Variants in DNAH12 observed in about 807,000 individuals in gnomAD.
The protein encoded by DNAH12 is dynein axonemal heavy chain 12, also known as axonemal beta dynein heavy chain 12.
Under a neutral mutation model 371.5 loss-of-function variants are expected in DNAH12, and 285 were observed. That is an observed-to-expected ratio of 0.77 (90% CI 0.70 to 0.85). The LOEUF (loss-of-function observed/expected upper bound fraction) is 0.85, where lower values mean the gene tolerates loss of function less well. DNAH12 is among the 40% of genes least tolerant of loss of function. The probability of loss-of-function intolerance (pLI) is 0.00; values close to 1 mark genes in which losing one functional copy is unlikely to be tolerated. For missense variants in DNAH12, 3,611 were observed against 3,689.4 expected (o/e 0.98, Z 0.55); for synonymous variants, 1,200 against 1,213.0 (o/e 0.99, Z 0.22).
At chr3:57,356,179 C>G (rs2062792960) in intron 59 of DNAH12, among the ~76,000 whole-genome samples, 1 of 152,086 alleles carries the variant, frequency 6.6e-6, no homozygotes, top group African/African-American at 2.4e-5. Context: ...CAGTGGCTCA[C>G]TCCTGTAATC....
rs1261098477 is a variant in DNAH12, at chr3:57,302,530, TATATATATATA to T, written c.11190-602_11190-592del. Among the ~76,000 whole-genome samples the T allele has an allele frequency of 8.6e-3, 150 of 17,528 alleles. 7 individuals carry two copies. Among genetic ancestry groups the T allele is most frequent in the African/African-American group, 0.029 (147 of 5,150 alleles). 11.5% of individuals were successfully genotyped at this position (17,528 alleles called of 152,430 possible). ...GCTGAATTAACTAAGGCATCAGGTG[TATATATATATA>T]TATATATATATATATATATATATGT... On this transcript the variant is annotated intron_variant, in intron 69 of 73. Transcript: ENST00000495027.
chr3:57,325,288 C>T (rs2061914742), intron 62 of DNAH12, among the ~76,000 whole-genome samples: 1 of 152,244 alleles, frequency 6.6e-6, no homozygotes, highest in Admixed American at 6.5e-5. Context: ...TCCCTGACCT[C>T]TGACCCCTGA....
In DNAH12 at chr3:57,445,352, G is replaced by A. The variant is rs867558345; in HGVS notation, c.4247C>T (p.Ser1416Phe). Residue 1416 changes from serine to phenylalanine, a missense_variant, in exon 28 of 74, where the codon TCT becomes TTT. Around this residue, in one of 3 missense-constraint regions of DNAH12, gnomAD observed 2,266 missense variants for 2,236.9 expected, o/e 1.01. Coordinates refer to ENST00000495027, the MANE Select transcript of DNAH12 (RefSeq NM_001366028.2). Reference sequence around the variant, plus strand: ...AGGTCTTGCATTCAAAAATCCGTAAGAGTAGAGGGAGATTTCTGCTATAAG... The same window carrying A: ...AGGTCTTGCATTCAAAAATCCGTAAAAGTAGAGGGAGATTTCTGCTATAAG... ...YALIAEISLY[S>F]YGFLNARPLS... 6.4e-7 allele frequency: 1 copy of A among 1,551,510 alleles called. No homozygotes were observed. The highest frequency in any genetic ancestry group is 2.0e-5 in the Admixed American group (1 of 50,954).
At chr3:57,424,395 C>G (rs1464683213) in intron 35 of DNAH12, among the ~76,000 whole-genome samples, 2 of 143,624 alleles carry the variant, frequency 1.4e-5, no homozygotes, top group East Asian at 4.2e-4. Context: ...CACTTGAACC[C>G]AGGAGGCAGA....
At chr3:57,437,159 CT>C in intron 29 of DNAH12, 99 bp from the exon 30 acceptor site, 1 of 729,152 alleles carries the variant, frequency 1.4e-6, no homozygotes, top group Non-Finnish European at 2.2e-6. Context: ...TAAAAAAAAA[CT>C]ATCATCATTG....
upstream of DNAH12, among the ~76,000 whole-genome samples, chr3:57,545,410 C>G (rs1481322652): frequency 1.3e-5 from 2 of 151,664 alleles, no homozygotes; most frequent in African/African-American, 4.8e-5. Context: ...CCGCCCACCT[C>G]GGCCTCCCAA....
chr3:57,399,769 A>G (rs1488059001), intron 43 of DNAH12, among the ~76,000 whole-genome samples: 1 of 152,218 alleles, frequency 6.6e-6, no homozygotes, highest in Non-Finnish European at 1.5e-5. Context: ...GAAGATCGTG[A>G]GGATGAAGAC....
At chr3:57,428,889 T>C (rs1232075858) in intron 33 of DNAH12, 68 bp from the exon 34 acceptor site, 2 of 1,402,258 alleles carry the variant, frequency 1.4e-6, no homozygotes, top group East Asian at 5.0e-5. Flanking sequence ...TTATCAACTA[T>C]TTCTTAAGAT....
At chr3:57,450,011 G>T (rs6767731) in intron 25 of DNAH12, among the ~76,000 whole-genome samples, 16,668 of 152,242 alleles carry the variant, frequency 0.11, 2,669 homozygotes, top group African/African-American at 0.35. Flanking sequence ...ACTTTGGGAG[G>T]CATAGGCAGG....
chr3:57,341,334 A>G (rs1553656041), intron 60 of DNAH12, among the ~76,000 whole-genome samples: 1 of 151,660 alleles, frequency 6.6e-6, no homozygotes, highest in East Asian at 1.9e-4. Context: ...GGATGACATG[A>G]TTTTATATAT....
intron 60 of DNAH12, among the ~76,000 whole-genome samples, chr3:57,345,467 C>T (rs762193811): frequency 3.9e-5 from 6 of 152,086 alleles, no homozygotes; most frequent in South Asian, 2.1e-4. Context: ...CTAAACACAA[C>T]GAAAAATACA....
At chr3:57,300,427 G>A (rs519953) in intron 70 of DNAH12, among the ~76,000 whole-genome samples, 107,185 of 152,052 alleles carry the variant, frequency 0.7, 38,552 homozygotes, top group East Asian at 0.92. Context: ...ATTCTGTTTT[G>A]TATTATTCCT....
rs1182306241 is a variant in DNAH12, at chr3:57,437,120, TTA to T, written c.4546-62_4546-61del. 9 of 1,057,782 alleles carry T rather than the reference TTA, an allele frequency of 8.5e-6. No individual in the cohort carries two copies. In the African/African-American group the frequency reaches 1.2e-4, roughly 14 times the overall value. 65.5% of individuals were successfully genotyped at this position (1,057,782 alleles called of 1,614,324 possible). On this transcript the variant is annotated intron_variant, in intron 29 of 73. Transcript: ENST00000495027. ...CAATATTATAAATGTCATACCTGTC[TTA>T]TAAGTGTAGATTTTAAATTTACTAG...
At chr3:57,322,200 C>T in intron 65 of DNAH12, 143 bp downstream of exon 65, 1 of 866,726 alleles carries the variant, frequency 1.2e-6, no homozygotes, top group South Asian at 2.5e-5. Flanking sequence ...AAGATAAGTA[C>T]AATTTTTGTC....
At chr3:57,339,718 T>G (rs2062345949) in intron 60 of DNAH12, among the ~76,000 whole-genome samples, 1 of 151,984 alleles carries the variant, frequency 6.6e-6, no homozygotes, top group African/African-American at 2.4e-5. Context: ...CACTCAGAAC[T>G]ATACAAATAC....
intron 66 of DNAH12, among the ~76,000 whole-genome samples, chr3:57,313,489 T>TA (rs1013521073): frequency 8.6e-5 from 13 of 151,960 alleles, no homozygotes; most frequent in Non-Finnish European, 1.8e-4. Flanking sequence ...CCATTTCTAC[T>TA]AAAAAATACA....
Position 57,453,395 on chromosome 3 carries a change from C to A in DNAH12, c.3465G>T (p.Lys1155Asn), listed in dbSNP as rs1275409824. The change falls in exon 24 of 74, where the codon AAG becomes AAT. Residue 1155 changes from lysine (K) to asparagine (N), a missense_variant. Around this residue, in one of 3 missense-constraint regions of DNAH12, gnomAD observed 1,314 missense variants for 1,398.7 expected, o/e 0.94. Transcript: ENST00000495027. ...GGTTCTGAAGTTCCTTATAATACTT[C>A]TTTAATCCCTACAAAATAAAAAAAA... Reference protein sequence around the residue: ...EVISGGTEGLKKYYKELQNQL... With the variant: ...EVISGGTEGLNKYYKELQNQL... 1 of 1,529,504 alleles carries A rather than the reference C, an allele frequency of 6.5e-7. No individual in the cohort carries two copies. Among genetic ancestry groups the A allele is most frequent in the Non-Finnish European group, 8.8e-7 (1 of 1,140,334 alleles). The allele number at this position is 1,529,504 out of a possible 1,614,324, so 94.7% of individuals were successfully genotyped here.
chr3:57,464,818 A>G (rs1437227880), intron 17 of DNAH12, among the ~76,000 whole-genome samples: 1 of 152,242 alleles, frequency 6.6e-6, no homozygotes, highest in Non-Finnish European at 1.5e-5. Flanking sequence ...AGACATTTAA[A>G]AGATAATAAA....
intron 33 of DNAH12, among the ~76,000 whole-genome samples, chr3:57,429,209 T>C (rs1278735939): frequency 6.6e-6 from 1 of 151,648 alleles, no homozygotes. Context: ...GGAGTTTCAC[T>C]CTTGTTGCCC....
Sources: gnomAD v4.1 joint callset for allele counts (sites outside exome capture counted in the v4.1 genomes callset) on GRCh38, gnomAD v4.1.1 for gene constraint, gnomAD v4.1.1 regional missense constraint, MANE v1.5 for transcripts, NCBI Gene and HGNC (gene_info 2026-07-23, HGNC 2026-07-21) for gene names.